The following CDH13 variants were observed in gnomAD, a reference collection of about 807,000 sequenced individuals.
The protein encoded by CDH13 is cadherin-13.
CDH13 carries 24 observed loss-of-function variants against 63.8 expected under a neutral mutation model. The observed-to-expected ratio is 0.38, with a 90% confidence interval of 0.27 to 0.53. The LOEUF (loss-of-function observed/expected upper bound fraction) is 0.53, where lower values mean the gene tolerates loss of function less well. CDH13 is among the 20% of genes least tolerant of loss of function. The pLI is 0.85. For missense variants in CDH13, 1,049 were observed against 903.1 expected (o/e 1.16, Z -2.07); for synonymous variants, 503 against 355.3 (o/e 1.42, Z -4.67).
chr16:82,725,112 G>A lies in CDH13; in HGVS notation c.45+97975G>A, dbSNP rs371047056. Among the ~76,000 whole-genome samples, 15 of 134,322 alleles carry A rather than the reference G, an allele frequency of 1.1e-4. No individual in the cohort carries two copies. In the East Asian group the frequency reaches 2.9e-3, roughly 26 times the overall value. 88.1% of individuals were successfully genotyped at this position (134,322 alleles called of 152,430 possible). A position where few individuals can be genotyped will look rare whatever the true frequency, so the allele number is the denominator to read the frequency against. On this transcript the variant is annotated intron_variant, in intron 1 of 13. Coordinates refer to ENST00000567109, the MANE Select transcript of CDH13 (RefSeq NM_001257.5). ...TGATGGTGTTGATGGTTGTGCGGAT[G>A]GTGATGGTGATGTTGATGGTCATGG...
intron 1 of CDH13, among the ~76,000 whole-genome samples, chr16:82,853,166 G>A (rs971905546): frequency 1.3e-4 from 20 of 152,128 alleles, no homozygotes; most frequent in Admixed American, 6.5e-5. Context: ...TCCTACAGAG[G>A]TAACACAACT....
intron 10 of CDH13, among the ~76,000 whole-genome samples, chr16:83,705,512 C>T (rs1275057991): frequency 6.6e-6 from 1 of 151,986 alleles, no homozygotes; most frequent in Non-Finnish European, 1.5e-5. Flanking sequence ...GTCCCAGCTA[C>T]TCGGGAGGCT....
chr16:82,985,576 T>C (rs1241671219), intron 2 of CDH13, among the ~76,000 whole-genome samples: 6 of 152,158 alleles, frequency 3.9e-5, no homozygotes, highest in Non-Finnish European at 5.9e-5. Flanking sequence ...TCATCAGATG[T>C]GGGTTTAAGA....
At chr16:83,747,993 GA>G (rs1219314275) in intron 10 of CDH13, 114 bp from the exon 11 acceptor site, 1 of 1,114,082 alleles carries the variant, frequency 9.0e-7, no homozygotes, top group Non-Finnish European at 1.3e-6. Context: ...GATGGTTTTG[GA>G]TTTTTGTTAC....
chr16:83,018,978 G>T (rs1010170701), intron 2 of CDH13, among the ~76,000 whole-genome samples: 2 of 152,208 alleles, frequency 1.3e-5, no homozygotes, highest in African/African-American at 4.8e-5. Context: ...AGTGAGTGGT[G>T]AGTGAATGTG....
chr16:83,338,931 A>G (rs1249006975), intron 5 of CDH13, among the ~76,000 whole-genome samples: 1 of 152,172 alleles, frequency 6.6e-6, no homozygotes, highest in African/African-American at 2.4e-5. Context: ...GTGATGAGAA[A>G]CCATTGAAAG....
intron 11 of CDH13, among the ~76,000 whole-genome samples, chr16:83,752,349 G>A (rs750360642): frequency 8.5e-5 from 13 of 152,208 alleles, no homozygotes; most frequent in Admixed American, 2.0e-4. Context: ...CACTGTGTGC[G>A]TATATACCGT....
chr16:83,785,864 C>T (rs1050602998), intron 13 of CDH13, among the ~76,000 whole-genome samples: 1 of 152,158 alleles, frequency 6.6e-6, no homozygotes, highest in African/African-American at 2.4e-5. Context: ...CAGGACCGTC[C>T]TGGTGAGTGA....
chr16:82,669,740 T>C (rs748447166), intron 1 of CDH13, among the ~76,000 whole-genome samples: 1 of 152,172 alleles, frequency 6.6e-6, no homozygotes, highest in Non-Finnish European at 1.5e-5. Context: ...GCATATATAA[T>C]TGGACGGAAC....
intron 1 of CDH13, among the ~76,000 whole-genome samples, chr16:82,738,131 T>TCAGAG (rs1349967978): frequency 6.6e-6 from 1 of 152,240 alleles, no homozygotes; most frequent in Non-Finnish European, 1.5e-5. Context: ...CATGACAGTC[T>TCAGAG]GTCCTCTGAG....
chr16:82,748,160 T>A (rs1676132084), intron 1 of CDH13, among the ~76,000 whole-genome samples: 1 of 152,126 alleles, frequency 6.6e-6, no homozygotes, highest in African/African-American at 2.4e-5. Context: ...GCATCATAGC[T>A]GGGGACTCTG....
In CDH13 at chr16:82,667,407, T is replaced by C. The variant is rs1912720701; in HGVS notation, c.45+40270T>C. ...TGTAGAGCTTTGTCCCTGAGAAGCC[T>C]GCCTCACCAGGATGTGGTGTGGGGA... On this transcript the variant is annotated intron_variant, in intron 1 of 13. Transcript: ENST00000567109. 2.6e-5 allele frequency among the ~76,000 whole-genome samples: 4 copies of C among 152,206 alleles called. No individual in the cohort carries two copies. The South Asian group carries it at 8.3e-4, about 31-fold the overall frequency.
At chr16:83,416,154 C>T (rs897554913) in intron 6 of CDH13, among the ~76,000 whole-genome samples, 5 of 151,994 alleles carry the variant, frequency 3.3e-5, no homozygotes, top group Admixed American at 3.3e-4. Context: ...TACAATAGTA[C>T]CAAAAAGAAT....
intron 1 of CDH13, among the ~76,000 whole-genome samples, chr16:82,850,400 C>T (rs910082980): frequency 1.1e-4 from 16 of 152,152 alleles, no homozygotes; most frequent in Admixed American, 5.9e-4. Context: ...TGAATTGCTG[C>T]AAGCTCATGA....
chr16:83,630,627 C>A (rs1276721992), intron 8 of CDH13, among the ~76,000 whole-genome samples: 1 of 152,152 alleles, frequency 6.6e-6, no homozygotes, highest in Non-Finnish European at 1.5e-5. Flanking sequence ...AACAATCAGA[C>A]TGAGGAAGCA....
chr16:83,317,119 A>G (rs1180850485), intron 5 of CDH13, among the ~76,000 whole-genome samples: 1 of 152,312 alleles, frequency 6.6e-6, no homozygotes, highest in East Asian at 1.9e-4. Context: ...GCTGTGAAAC[A>G]TCCTACAATG....
chr16:83,041,001 G>C (rs1048833341), intron 3 of CDH13, among the ~76,000 whole-genome samples: 3 of 152,060 alleles, frequency 2.0e-5, no homozygotes, highest in South Asian at 2.1e-4. Flanking sequence ...TATTCCTCAG[G>C]TGCTCACTGT....
intron 1 of CDH13, among the ~76,000 whole-genome samples, chr16:82,685,010 G>T (rs1454197412): frequency 6.6e-6 from 1 of 151,104 alleles, no homozygotes; most frequent in African/African-American, 2.4e-5. Context: ...GGCACCACTT[G>T]AGACAGTGTT....
At chr16:83,077,135 A>G (rs1278107269) in intron 3 of CDH13, among the ~76,000 whole-genome samples, 8 of 139,382 alleles carry the variant, frequency 5.7e-5, no homozygotes, top group African/African-American at 2.1e-4. Flanking sequence ...GATTTCTTTC[A>G]CTCAGCATAA....
Sources: allele counts gnomAD v4.1 joint callset (sites outside exome capture counted in the v4.1 genomes callset), GRCh38; gene constraint gnomAD v4.1.1; transcripts MANE v1.5; gene names NCBI Gene and HGNC (gene_info 2026-07-23, HGNC 2026-07-21).